The following ZNF33A variants were observed in gnomAD, a reference collection of about 807,000 sequenced individuals.
The protein encoded by ZNF33A is zinc finger protein 33A, also known as brain my041 protein.
Under a neutral mutation model 15.9 loss-of-function variants are expected in ZNF33A, and 9 were observed. That is an observed-to-expected ratio of 0.57 (90% CI 0.34 to 0.99). The LOEUF (loss-of-function observed/expected upper bound fraction) is 0.99, where lower values mean the gene tolerates loss of function less well. ZNF33A is among the 50% of genes least tolerant of loss of function. ZNF33A has a pLI of 0.02. For missense variants in ZNF33A, 843 were observed against 941.6 expected, an observed-to-expected ratio of 0.90 and a Z score of 1.37; for synonymous variants, 294 against 324.2, an observed-to-expected ratio of 0.91 and a Z score of 1.00.
intron 4 of ZNF33A, among the ~76,000 whole-genome samples, chr10:38,032,197 A>G (rs2065243464): frequency 6.6e-6 from 1 of 152,190 alleles, no homozygotes; most frequent in Admixed American, 6.6e-5. Flanking sequence ...CTGTACAAGC[A>G]AAAGTAAATG....
At position 38,056,574 on chromosome 10, in the gene ZNF33A, C is replaced by T. The variant is rs771918765; in HGVS notation, c.*14C>T. ...AATGTTCAGTAACTATCCACAAACT[C>T]ACCTTATGTTACTCCAAAGTAATAG... On this transcript the variant is annotated 3_prime_UTR_variant, in exon 5 of 5. Coordinates refer to ENST00000432900, the MANE Select transcript of ZNF33A (RefSeq NM_006954.2). 6.5e-7 allele frequency: 1 copy of T among 1,544,556 alleles called. No homozygotes were observed. The highest frequency in any genetic ancestry group is 8.7e-7 in the Non-Finnish European group (1 of 1,150,166).
At position 38,057,296 on chromosome 10, in the gene ZNF33A, C is replaced by G; in HGVS notation, c.*736C>G. 1.0e-6 allele frequency: 1 copy of G among 985,284 alleles called. No individual in the cohort carries two copies. The highest frequency in any genetic ancestry group is 1.2e-6 in the Non-Finnish European group (1 of 829,822). 61.0% of individuals were successfully genotyped at this position (985,284 alleles called of 1,614,324 possible). On this transcript the variant is annotated 3_prime_UTR_variant, in exon 5 of 5. Transcript: ENST00000432900. ...CCCTTTTTGTATTAATAACCACACG[C>G]TTTCTGCAACCCTATCCCTTGCATC... is the stretch of plus-strand genomic sequence containing the variant.
Position 38,028,470 on chromosome 10 carries a change from AT to A in ZNF33A, c.250+11097del, listed in dbSNP as rs140172399. On this transcript the variant is annotated intron_variant, in intron 4 of 4. Coordinates refer to ENST00000432900, the MANE Select transcript of ZNF33A (RefSeq NM_006954.2). ...TTACTGTCTTCTTTGTGTTTTGTTGATTTTTTTTTTTTTCGAGACAAAAGTC... is the reference window on the plus strand; with the variant it reads ...TTACTGTCTTCTTTGTGTTTTGTTGATTTTTTTTTTTTCGAGACAAAAGTC... 3.5e-3 allele frequency among the ~76,000 whole-genome samples: 480 copies of A among 136,836 alleles called. 1 individual carries two copies. Among genetic ancestry groups the A allele is most frequent in the African/African-American group, 7.2e-3 (266 of 37,118 alleles). 89.8% of individuals were successfully genotyped at this position (136,836 alleles called of 152,430 possible). A position where few individuals can be genotyped will look rare whatever the true frequency, so the allele number is the denominator to read the frequency against.
chr10:38,029,014 A>C (rs2135611097), intron 4 of ZNF33A, among the ~76,000 whole-genome samples: 1 of 152,280 alleles, frequency 6.6e-6, no homozygotes, highest in Non-Finnish European at 1.5e-5. Context: ...TACATTGTGT[A>C]CCGATAATGT....
chr10:38,049,934 C>T (rs771999769), intron 4 of ZNF33A, among the ~76,000 whole-genome samples: 3 of 152,084 alleles, frequency 2.0e-5, no homozygotes, highest in Non-Finnish European at 2.9e-5. Context: ...AAATACTATA[C>T]CTGTAAGTTA....
At chr10:38,048,841 A>G (rs12360134) in intron 4 of ZNF33A, among the ~76,000 whole-genome samples, 5 of 152,158 alleles carry the variant, frequency 3.3e-5, no homozygotes, top group African/African-American at 9.7e-5. Context: ...CATCCTTTTA[A>G]TAATTGATAA....
At chr10:38,015,294 A>G (rs2064397081) in intron 2 of ZNF33A, among the ~76,000 whole-genome samples, 1 of 151,006 alleles carries the variant, frequency 6.6e-6, no homozygotes, top group African/African-American at 2.4e-5. Flanking sequence ...TTCATTCTTG[A>G]TCTTCATATT....
chr10:38,016,170 AT>A, intron 2 of ZNF33A: 1 of 452,050 alleles, frequency 2.2e-6, no homozygotes, highest in Non-Finnish European at 3.6e-6. Context: ...CTTTTTCTAC[AT>A]TTTTAAATCC....
At chr10:38,047,746 AAGAAC>A (rs1047892007) in intron 4 of ZNF33A, among the ~76,000 whole-genome samples, 6 of 151,912 alleles carry the variant, frequency 3.9e-5, no homozygotes, top group African/African-American at 1.2e-4. Flanking sequence ...AAAGTGGGAA[AAGAAC>A]AGAAAACAAT....
intron 4 of ZNF33A, among the ~76,000 whole-genome samples, chr10:38,027,360 T>C (rs1370718969): frequency 2.0e-5 from 3 of 151,978 alleles, no homozygotes; most frequent in Admixed American, 1.3e-4. Flanking sequence ...TTTGCATTTG[T>C]ATTTTTTTTT....
rs2066524319 is a variant in ZNF33A at position 38,057,248 on chromosome 10, A to G, written c.*688A>G. 1.0e-6 allele frequency: 1 copy of G among 985,028 alleles called. No individual in the cohort carries two copies. The highest frequency in any genetic ancestry group is 6.1e-5 in the Admixed American group (1 of 16,264). The allele number at this position is 985,028 out of a possible 1,614,324, so 61.0% of individuals were successfully genotyped here. A position where few individuals can be genotyped will look rare whatever the true frequency, so the allele number is the denominator to read the frequency against. ...GAGATCTGTACTGTATCAGGATTAC[A>G]AAGGATTTAGCCTCAAGTAGTTCCC... On this transcript the variant is annotated 3_prime_UTR_variant, in exon 5 of 5. Transcript: ENST00000432900.
rs535994356 is a variant in ZNF33A, at chr10:38,010,851, G to A, written c.-45+68G>A. The A allele has an allele frequency of 4.4e-5, 69 of 1,582,274 alleles. No homozygotes were observed. In the East Asian group the frequency reaches 1.4e-3, roughly 32 times the overall value. On this transcript the variant is annotated intron_variant, in intron 1 of 4. Coordinates refer to ENST00000432900, the MANE Select transcript of ZNF33A (RefSeq NM_006954.2). ...CGCGACTCCTGGGGCGGGCGGCAGG[G>A]GGCCGGTACCAAGTGGTGGGGAGGA...
intron 4 of ZNF33A, among the ~76,000 whole-genome samples, chr10:38,051,779 CTGAG>C (rs1288868689): frequency 6.6e-6 from 1 of 151,944 alleles, no homozygotes; most frequent in African/African-American, 2.4e-5. Context: ...TTTATACATT[CTGAG>C]TAACTGCCTC....
Position 38,055,844 on chromosome 10 carries a change from A to G in ZNF33A, c.1720A>G (p.Thr574Ala). 6.2e-7 allele frequency: 1 copy of G among 1,613,834 alleles called. No homozygotes were observed. Among genetic ancestry groups the G allele is most frequent in the South Asian group, 1.1e-5 (1 of 91,068 alleles). Residue 574 changes from threonine (T) to alanine (A), a missense_variant, in exon 5 of 5, where the codon ACA becomes GCA. Physicochemically the swap from Thr to Ala is moderately conservative, Grantham distance 58. Transcript: ENST00000432900. ...GTCAACCCTCTCTCAACATTATAGAACACACACAGGGGAGAAACCCTACGA... is the reference window on the plus strand; with the variant it reads ...GTCAACCCTCTCTCAACATTATAGAGCACACACAGGGGAGAAACCCTACGA... ...HKSTLSQHYR[T>A]HTGEKPYECH...
At chr10:38,063,561 C>T (rs1564892714), downstream of ZNF33A, among the ~76,000 whole-genome samples, 1 of 152,146 alleles carries the variant, frequency 6.6e-6, no homozygotes, top group African/African-American at 2.4e-5. Flanking sequence ...TGTTCTCTGT[C>T]TACATGTTTA....
At chr10:38,052,513 T>C (rs2066252830) in intron 4 of ZNF33A, among the ~76,000 whole-genome samples, 2 of 152,192 alleles carry the variant, frequency 1.3e-5, no homozygotes, top group African/African-American at 4.8e-5. Context: ...ATTGCTAACA[T>C]GTTTTGTTGT....
At chr10:38,052,333 T>C (rs2066245960) in intron 4 of ZNF33A, among the ~76,000 whole-genome samples, 1 of 152,162 alleles carries the variant, frequency 6.6e-6, no homozygotes, top group Non-Finnish European at 1.5e-5. Flanking sequence ...AATGATCAAT[T>C]GGAACTTGAA....
intron 4 of ZNF33A, among the ~76,000 whole-genome samples, chr10:38,037,978 A>G (rs1324609231): frequency 6.6e-6 from 1 of 152,200 alleles, no homozygotes; most frequent in African/African-American, 2.4e-5. Context: ...CATCTTAACC[A>G]TATGAACACT....
At chr10:38,041,075 T>G (rs1397268700) in intron 4 of ZNF33A, among the ~76,000 whole-genome samples, 1 of 152,220 alleles carries the variant, frequency 6.6e-6, no homozygotes, top group Non-Finnish European at 1.5e-5. Flanking sequence ...TTTTTGGTAC[T>G]CTATTCCTTT....
Sources: allele counts gnomAD v4.1 joint callset (sites outside exome capture counted in the v4.1 genomes callset), GRCh38; gene constraint gnomAD v4.1.1; transcripts MANE v1.5; gene names NCBI Gene and HGNC (gene_info 2026-07-23, HGNC 2026-07-21).